JAKMIP1: variants seen among roughly 807,000 people sequenced by gnomAD.
JAKMIP1 encodes the protein janus kinase and microtubule interacting protein 1.
In JAKMIP1, 33 loss-of-function variants were observed where a neutral mutation model predicts 113.0. The observed-to-expected ratio is 0.29, with a 90% CI of 0.22 to 0.39. The LOEUF (loss-of-function observed/expected upper bound fraction) is 0.39, where lower values mean the gene tolerates loss of function less well. Among genes scored for constraint, JAKMIP1 ranks in the 10% least tolerant of loss-of-function variants. The pLI, the probability that JAKMIP1 is intolerant of heterozygous loss-of-function variation, is 1.00. For synonymous variants in JAKMIP1, 480 were observed against 459.9 expected (o/e 1.04, Z -0.56); for missense variants, 813 against 1,080.5 (o/e 0.75, Z 3.47).
At chr4:6,122,174 G>A (rs1168871551) in intron 1 of JAKMIP1, among the ~76,000 whole-genome samples, 3 of 152,026 alleles carry the variant, frequency 2.0e-5, no homozygotes, top group South Asian at 4.2e-4. Flanking sequence ...GTGAAACCCC[G>A]TCTCTACTAA....
intron 1 of JAKMIP1, among the ~76,000 whole-genome samples, chr4:6,151,074 C>T (rs1185705830): frequency 3.3e-5 from 5 of 152,170 alleles, no homozygotes; most frequent in Admixed American, 2.6e-4. Context: ...CCCACTGTCT[C>T]CAGGCTGTGG....
intron 3 of JAKMIP1, among the ~76,000 whole-genome samples, chr4:6,104,752 C>G (rs1385340418): frequency 6.6e-6 from 1 of 152,196 alleles, no homozygotes; most frequent in Non-Finnish European, 1.5e-5. Flanking sequence ...GGCATGGGAG[C>G]TGTCATTCTG....
intron 1 of JAKMIP1, among the ~76,000 whole-genome samples, chr4:6,115,769 A>G (rs1397338664): frequency 6.6e-6 from 1 of 152,240 alleles, no homozygotes; most frequent in East Asian, 1.9e-4. Flanking sequence ...GAAGGACACC[A>G]CTAAAAAGCT....
chr4:6,198,931 T>C (rs965212898), intron 1 of JAKMIP1, among the ~76,000 whole-genome samples: 1 of 152,214 alleles, frequency 6.6e-6, no homozygotes, highest in Non-Finnish European at 1.5e-5. Context: ...CAACATTCAC[T>C]GTGGGTGGAG....
chr4:6,094,498 G>C lies in JAKMIP1; in HGVS notation c.625-8869C>G, dbSNP rs1226385242. 6.6e-6 allele frequency among the ~76,000 whole-genome samples: 1 copy of C among 152,122 alleles called. No homozygotes were observed. Among genetic ancestry groups the C allele is most frequent in the Non-Finnish European group, 1.5e-5 (1 of 68,008 alleles). ...GTAAACAAACCTACCAACCTCCGGG[G>C]CCCCTGGGGTCTCAGGAACTGCGGG... On this transcript the variant is annotated intron_variant, in intron 3 of 20. Coordinates refer to ENST00000409021, the MANE Select transcript of JAKMIP1 (RefSeq NM_001099433.2). This position sits in a 1 kb window ranked among gnomAD's most constrained non-coding sequence, Gnocchi z 4.2.
rs1719850780 is a variant in JAKMIP1 at position 6,139,863 on chromosome 4, G to A, written c.-147-26866C>T. ...AGAACACCATGTGACGACGAAGGAG[G>A]AGGTCACGGGGCAGATTCCACGAGC... On this transcript the variant is annotated intron_variant, in intron 1 of 20. Coordinates refer to ENST00000409021, the MANE Select transcript of JAKMIP1 (RefSeq NM_001099433.2). The surrounding 1 kb of genome is among the most constrained non-coding windows in gnomAD (Gnocchi z 5.2). Among the ~76,000 whole-genome samples, 3 of 152,094 alleles carry A rather than the reference G, an allele frequency of 2.0e-5. No individual in the cohort carries two copies. Among genetic ancestry groups the A allele is most frequent in the Non-Finnish European group, 1.5e-5 (1 of 68,030 alleles).
chr4:6,112,958 C>T lies in JAKMIP1; in HGVS notation c.-108G>A. ...CACCGTGCTAACCAGTCGCGCAGGA[C>T]TCAGCTCGCCCTCCGAGGAAACCAC... On this transcript the variant is annotated 5_prime_UTR_variant, in exon 2 of 21. Transcript: ENST00000409021. The T allele has an allele frequency of 7.0e-7, 1 of 1,430,370 alleles. No homozygotes were observed. Among genetic ancestry groups the T allele is most frequent in the Admixed American group, 2.5e-5 (1 of 40,780 alleles). The allele number at this position is 1,430,370 out of a possible 1,614,324, so 88.6% of individuals were successfully genotyped here. A position where few individuals can be genotyped will look rare whatever the true frequency, so the allele number is the denominator to read the frequency against.
intron 8 of JAKMIP1, 49 bp downstream of exon 8, chr4:6,078,890 A>T: frequency 2.5e-6 from 4 of 1,601,134 alleles, no homozygotes; most frequent in Non-Finnish European, 3.4e-6. Context: ...TGCCCTGCAG[A>T]TCCGTGACAC....
Position 6,078,986 on chromosome 4 carries a change from G to T in JAKMIP1, c.1255C>A (p.Leu419Met), listed in dbSNP as rs1720098836. ...IDDLSLERER[L>M]LRSKRHRGKS... ...CCTCGATGCCTTTTGGAGCGCAACA[G>T]CCGTTCTCTCTCCTAGAAGGAAACA... is the stretch of plus-strand genomic sequence containing the variant. Residue 419 changes from leucine (L) to methionine (M), a missense_variant, in exon 8 of 21, where the codon CTG becomes ATG. Around this residue, in one of 2 missense-constraint regions of JAKMIP1, gnomAD observed 540 missense variants for 653.9 expected, o/e 0.83. Transcript: ENST00000409021. 1 of 1,614,052 alleles carries T rather than the reference G, an allele frequency of 6.2e-7. No homozygotes were observed. Among genetic ancestry groups the T allele is most frequent in the Non-Finnish European group, 8.5e-7 (1 of 1,180,036 alleles).
In JAKMIP1 at chr4:6,065,979, G is replaced by T. The variant is rs76088515; in HGVS notation, c.1303-971C>A. ...ACCAGATCAATGTCTCTTATTTTAG[G>T]AACATAGCTTTTTTGGGTTTTTTTT... is the stretch of plus-strand genomic sequence containing the variant. On this transcript the variant is annotated intron_variant, in intron 8 of 20. Coordinates refer to ENST00000409021, the MANE Select transcript of JAKMIP1 (RefSeq NM_001099433.2). This position sits in a 1 kb window ranked among gnomAD's most constrained non-coding sequence, Gnocchi z 5.1. Among the ~76,000 whole-genome samples, 458 of 152,242 alleles carry T rather than the reference G, an allele frequency of 3.0e-3. 6 individuals are homozygous for T. The highest frequency in any genetic ancestry group is 0.01 in the African/African-American group (431 of 41,534).
chr4:6,060,653 A>G (rs1443244374), intron 10 of JAKMIP1, 146 bp from the exon 11 acceptor site: 6 of 656,620 alleles, frequency 9.1e-6, no homozygotes, highest in Non-Finnish European at 1.7e-5. Flanking sequence ...CACGTATTCA[A>G]CCTTGGCCTA....
intron 2 of JAKMIP1, among the ~76,000 whole-genome samples, chr4:6,107,715 C>T (rs180811301): frequency 2.2e-4 from 33 of 152,234 alleles, no homozygotes; most frequent in African/African-American, 6.7e-4. Context: ...CCGCATAAGC[C>T]GATTCCTTAA....
intron 2 of JAKMIP1, among the ~76,000 whole-genome samples, chr4:6,107,642 C>T (rs1714183420): frequency 6.6e-6 from 1 of 152,174 alleles, no homozygotes; most frequent in Admixed American, 6.5e-5. Flanking sequence ...GCAAGATCAA[C>T]CCTTGCCTGA....
At chr4:6,063,142 CAA>C (rs780452045) in intron 9 of JAKMIP1, among the ~76,000 whole-genome samples, 5 of 136,114 alleles carry the variant, frequency 3.7e-5, no homozygotes, top group Admixed American at 7.3e-5. Flanking sequence ...ACTCCGTCTC[CAA>C]AAAAAAAAAA....
At position 6,116,555 on chromosome 4, in the gene JAKMIP1, T is replaced by C. The variant is rs1715815748; in HGVS notation, c.-147-3558A>G. Among the ~76,000 whole-genome samples the C allele has an allele frequency of 6.6e-6, 1 of 152,154 alleles. No homozygotes were observed. The highest frequency in any genetic ancestry group is 2.1e-4 in the South Asian group (1 of 4,826). On this transcript the variant is annotated intron_variant, in intron 1 of 20. Coordinates refer to ENST00000409021, the MANE Select transcript of JAKMIP1 (RefSeq NM_001099433.2). This position sits in a 1 kb window ranked among gnomAD's most constrained non-coding sequence, Gnocchi z 5.1. Reference sequence around the variant, plus strand: ...TGGCATATAGGCCAAGGTTGGCAAATATTCATCTCCCGCAAACCAGTCCTG... The same window carrying C: ...TGGCATATAGGCCAAGGTTGGCAAACATTCATCTCCCGCAAACCAGTCCTG...
chr4:6,068,395 G>C (rs1055955016), intron 8 of JAKMIP1, among the ~76,000 whole-genome samples: 1 of 152,126 alleles, frequency 6.6e-6, no homozygotes, highest in Non-Finnish European at 1.5e-5. Flanking sequence ...GCAGCTCTTA[G>C]AGCAGAAACC....
rs895182986 is a variant in JAKMIP1, at chr4:6,135,133, T to C, written c.-147-22136A>G. 6.6e-6 allele frequency among the ~76,000 whole-genome samples: 1 copy of C among 152,136 alleles called. No individual in the cohort carries two copies. Among genetic ancestry groups the C allele is most frequent in the Non-Finnish European group, 1.5e-5 (1 of 68,016 alleles). Reference sequence around the variant, plus strand: ...TCTCCCATTCTCAAGCCATGGTATATGGGCTGACTCGTGTCCCTCCAAAAT... The same window carrying C: ...TCTCCCATTCTCAAGCCATGGTATACGGGCTGACTCGTGTCCCTCCAAAAT... On this transcript the variant is annotated intron_variant, in intron 1 of 20. Coordinates refer to ENST00000409021, the MANE Select transcript of JAKMIP1 (RefSeq NM_001099433.2). The surrounding 1 kb of genome is among the most constrained non-coding windows in gnomAD (Gnocchi z 4.9).
In JAKMIP1 at chr4:6,076,050, C is replaced by T. The variant is rs1719651881; in HGVS notation, c.1302+2889G>A. Among the ~76,000 whole-genome samples, 1 of 152,162 alleles carries T rather than the reference C, an allele frequency of 6.6e-6. No individual in the cohort carries two copies. The highest frequency in any genetic ancestry group is 2.4e-5 in the African/African-American group (1 of 41,432). ...AATTAGCCAGGCGTGGTGGCACATGCCTGTAATCTCGGCTACTTGGGAGGC... is the reference window on the plus strand; with the variant it reads ...AATTAGCCAGGCGTGGTGGCACATGTCTGTAATCTCGGCTACTTGGGAGGC... On this transcript the variant is annotated intron_variant, in intron 8 of 20. Transcript: ENST00000409021. The surrounding 1 kb of genome is among the most constrained non-coding windows in gnomAD (Gnocchi z 4.8).
intron 1 of JAKMIP1, among the ~76,000 whole-genome samples, chr4:6,126,389 C>CAGAAACACACACACAAACATACACCGTAG (rs1717627931): frequency 6.7e-6 from 1 of 148,990 alleles, no homozygotes; most frequent in East Asian, 2.0e-4. Flanking sequence ...ACACATCATA[C>CAGAAACACACACACAAACATACACCGTAG]AGAAACACAC....
Sources: allele counts gnomAD v4.1 joint callset (sites outside exome capture counted in the v4.1 genomes callset), GRCh38; gene constraint gnomAD v4.1.1; regional missense constraint gnomAD v4.1.1; non-coding constraint Gnocchi (gnomAD v3.1); transcripts MANE v1.5; gene names NCBI Gene and HGNC (gene_info 2026-07-23, HGNC 2026-07-21).